SNTG1: variants seen among roughly 807,000 people sequenced by gnomAD.
SNTG1 encodes gamma-1-syntrophin.
Under a neutral mutation model 74.7 loss-of-function variants are expected in SNTG1, and 39 were observed. The observed-to-expected ratio is 0.52, with a 90% confidence interval of 0.40 to 0.68. SNTG1 has a LOEUF of 0.68. Ranked by LOEUF, SNTG1 falls within the 30% of genes least tolerant of loss-of-function variation. The probability of loss-of-function intolerance (pLI) is 0.00; values close to 1 mark genes in which losing one functional copy is unlikely to be tolerated. For synonymous variants in SNTG1, 254 were observed against 217.1 expected (o/e 1.17, Z -1.49); for missense variants, 685 against 609.5 (o/e 1.12, Z -1.30).
intron 8 of SNTG1, among the ~76,000 whole-genome samples, chr8:50,451,039 T>G (rs992983984): frequency 1.3e-5 from 2 of 152,134 alleles, no homozygotes; most frequent in African/African-American, 4.8e-5. Context: ...TCTCTAAATC[T>G]CTGTAAATGT....
chr8:50,116,566 G>A (rs533800640), intron 1 of SNTG1, among the ~76,000 whole-genome samples: 16 of 152,218 alleles, frequency 1.1e-4, no homozygotes, highest in South Asian at 2.1e-4. Flanking sequence ...ATTCGTATTC[G>A]TTCATTTATA....
rs1015547820 is a variant in SNTG1 at position 50,102,792 on chromosome 8, C to A, written c.-102-69769C>A. Among the ~76,000 whole-genome samples the A allele has an allele frequency of 7.3e-5, 11 of 150,780 alleles. 1 individual carries two copies. The highest frequency in any genetic ancestry group is 2.4e-4 in the African/African-American group (10 of 40,936). ...TTTCTACATATGGCTAGCCAGTTTT[C>A]CCAGCCCCATTTATTAAATAGGGAA... On this transcript the variant is annotated intron_variant, in intron 1 of 18. Transcript: ENST00000642720.
At chr8:50,320,029 T>C (rs1055367407) in intron 2 of SNTG1, among the ~76,000 whole-genome samples, 1 of 152,202 alleles carries the variant, frequency 6.6e-6, no homozygotes, top group African/African-American at 2.4e-5. Context: ...ACCTGTAGAA[T>C]AAGTTTGGAA....
chr8:50,715,600 T>C (rs979284051), intron 17 of SNTG1, among the ~76,000 whole-genome samples: 2 of 152,194 alleles, frequency 1.3e-5, no homozygotes, highest in Admixed American at 1.3e-4. Flanking sequence ...CTGTATACTA[T>C]TATATAATGA....
rs866785018 is a variant in SNTG1, at chr8:50,488,552, C to T, written c.364-14226C>T. On this transcript the variant is annotated intron_variant, in intron 8 of 18. Coordinates refer to ENST00000642720, the MANE Select transcript of SNTG1 (RefSeq NM_018967.5). ...CTGCTCTGCCTGCCATTTTCCTTGCCTATGAGCACCTCTCAACGTCTCCCT... is the reference window on the plus strand; with the variant it reads ...CTGCTCTGCCTGCCATTTTCCTTGCTTATGAGCACCTCTCAACGTCTCCCT... 1.5e-4 allele frequency among the ~76,000 whole-genome samples: 23 copies of T among 152,252 alleles called. No individual in the cohort carries two copies. The Middle Eastern group carries it at 0.01, about 68-fold the overall frequency.
chr8:50,104,752 G>A (rs2080298078), intron 1 of SNTG1, among the ~76,000 whole-genome samples: 1 of 152,086 alleles, frequency 6.6e-6, no homozygotes, highest in Admixed American at 6.5e-5. Flanking sequence ...CACAGATTCT[G>A]GTATGTTGTG....
intron 12 of SNTG1, among the ~76,000 whole-genome samples, chr8:50,566,709 C>CTGTTTTGTTT (rs369656490): frequency 0.032 from 4,892 of 151,892 alleles, 133 homozygotes; most frequent in African/African-American, 0.063. Context: ...GCAAAGTCTA[C>CTGTTTTGTTT]TGTTTTGTTT....
At chr8:50,579,006 A>C (rs1027002477) in intron 12 of SNTG1, among the ~76,000 whole-genome samples, 1 of 152,184 alleles carries the variant, frequency 6.6e-6, no homozygotes, top group Non-Finnish European at 1.5e-5. Flanking sequence ...AGAAGAAAAC[A>C]GGAGAATGTA....
At chr8:50,150,495 G>T (rs2082028513) in intron 1 of SNTG1, among the ~76,000 whole-genome samples, 1 of 152,160 alleles carries the variant, frequency 6.6e-6, no homozygotes, top group Non-Finnish European at 1.5e-5. Context: ...AATGCTTCCA[G>T]TTTTTGCCCT....
At chr8:50,111,690 C>T (rs1784670888) in intron 1 of SNTG1, among the ~76,000 whole-genome samples, 1 of 152,140 alleles carries the variant, frequency 6.6e-6, no homozygotes, top group Admixed American at 6.6e-5. Context: ...ACAAGTGGAA[C>T]TGCATCAGTA....
chr8:50,100,122 G>A (rs1357488704), intron 1 of SNTG1, among the ~76,000 whole-genome samples: 1 of 152,090 alleles, frequency 6.6e-6, no homozygotes, highest in East Asian at 1.9e-4. Context: ...CAACATGGAT[G>A]AGCTGGGAAG....
At chr8:50,643,904 G>C (rs999125171) in intron 13 of SNTG1, 1 of 152,156 alleles carries the variant, frequency 6.6e-6, no homozygotes, top group Non-Finnish European at 1.5e-5. Context: ...ATGAGACCTG[G>C]TCTGACTTGT....
At chr8:50,388,228 A>G (rs543701710) in intron 2 of SNTG1, among the ~76,000 whole-genome samples, 2 of 152,168 alleles carry the variant, frequency 1.3e-5, no homozygotes, top group Non-Finnish European at 2.9e-5. Context: ...TCTACTTTCT[A>G]TACCATGGTT....
intron 1 of SNTG1, among the ~76,000 whole-genome samples, chr8:49,941,782 A>G (rs1040255171): frequency 6.6e-6 from 1 of 152,092 alleles, no homozygotes; most frequent in African/African-American, 2.4e-5. Flanking sequence ...TAGAGGTTGG[A>G]TTTGTCATTC....
At chr8:50,692,226 T>C (rs2095383648) in intron 15 of SNTG1, among the ~76,000 whole-genome samples, 1 of 152,214 alleles carries the variant, frequency 6.6e-6, no homozygotes, top group Non-Finnish European at 1.5e-5. Flanking sequence ...AGTTTGATCA[T>C]TTGAAGCCTT....
intron 1 of SNTG1, among the ~76,000 whole-genome samples, chr8:49,993,231 T>G (rs978630238): frequency 7.2e-5 from 11 of 151,978 alleles, no homozygotes; most frequent in Admixed American, 2.0e-4. Flanking sequence ...CAGAGTGAGG[T>G]CAGGGCCAAA....
chr8:50,167,426 G>A (rs1375373550), intron 1 of SNTG1, among the ~76,000 whole-genome samples: 3 of 151,642 alleles, frequency 2.0e-5, no homozygotes, highest in Non-Finnish European at 4.4e-5. Flanking sequence ...TCTTGTGTAT[G>A]TAAAACCTTT....
chr8:50,369,028 T>C (rs1217730441), intron 2 of SNTG1, among the ~76,000 whole-genome samples: 1 of 152,188 alleles, frequency 6.6e-6, no homozygotes, highest in Non-Finnish European at 1.5e-5. Context: ...TATGAGACTT[T>C]GGCCTTTAAC....
At chr8:50,044,691 C>T (rs1352125078) in intron 1 of SNTG1, among the ~76,000 whole-genome samples, 2 of 152,110 alleles carry the variant, frequency 1.3e-5, no homozygotes, top group African/African-American at 2.4e-5. Flanking sequence ...CTTGGAATTT[C>T]TTCTTGTTTT....
Sources: gnomAD v4.1 joint callset for allele counts (sites outside exome capture counted in the v4.1 genomes callset) on GRCh38, gnomAD v4.1.1 for gene constraint, MANE v1.5 for transcripts, NCBI Gene and HGNC (gene_info 2026-07-23, HGNC 2026-07-21) for gene names.